Variants in SMC3 observed in about 807,000 individuals in gnomAD.
SMC3 encodes the protein structural maintenance of chromosomes protein 3.
SMC3 carries 20 observed loss-of-function variants against 171.8 expected under a neutral mutation model. The ratio of observed to expected loss-of-function variants is 0.12; its 90% CI spans 0.08 to 0.17. The LOEUF (loss-of-function observed/expected upper bound fraction) is 0.17, where lower values mean the gene tolerates loss of function less well. Ranked by LOEUF, SMC3 falls within the 10% of genes least tolerant of loss-of-function variation. SMC3 has a pLI of 1.00. For synonymous variants in SMC3, 464 were observed against 451.1 expected (o/e 1.03, Z -0.36); for missense variants, 543 against 1,420.4 (o/e 0.38, Z 9.93).
intron 3 of SMC3, among the ~76,000 whole-genome samples, chr10:110,574,639 A>T (rs1464694127): frequency 6.6e-6 from 1 of 152,200 alleles, no homozygotes; most frequent in African/African-American, 2.4e-5. Flanking sequence ...TGTCCACAGC[A>T]CACACATTAA....
At chr10:110,572,300 T>G (rs1362101736) in intron 2 of SMC3, among the ~76,000 whole-genome samples, 2 of 152,222 alleles carry the variant, frequency 1.3e-5, no homozygotes, top group African/African-American at 4.8e-5. Context: ...TAAGTAAATT[T>G]AATACATAGT....
At chr10:110,584,548 A>G (rs998396390) in intron 13 of SMC3, 152 bp downstream of exon 13, 2 of 617,886 alleles carry the variant, frequency 3.2e-6, no homozygotes, top group Admixed American at 3.0e-5. Flanking sequence ...GCACAGTTTA[A>G]TATACATATA....
intron 8 of SMC3, among the ~76,000 whole-genome samples, chr10:110,581,551 A>G (rs1159278583): frequency 6.6e-6 from 1 of 152,120 alleles, no homozygotes; most frequent in African/African-American, 2.4e-5. Flanking sequence ...GCTTAAACTG[A>G]GGCCCTTACT....
intron 4 of SMC3, among the ~76,000 whole-genome samples, chr10:110,576,137 C>G (rs1860945203): frequency 6.6e-6 from 1 of 152,130 alleles, no homozygotes; most frequent in Non-Finnish European, 1.5e-5. Flanking sequence ...GCAAAATGAT[C>G]TAACACAAAA....
In SMC3 at chr10:110,590,544, A is replaced by C. The variant is rs1861190642; in HGVS notation, c.1642A>C (p.Thr548Pro). ...NNFECEPAFY[T>P]CVEVTAGNRL... Reference sequence around the variant, plus strand: ...CTTTGAATGTGAACCAGCTTTCTACACATGCGTGGAAGTCACTGCTGGAAA... The same window carrying C: ...CTTTGAATGTGAACCAGCTTTCTACCCATGCGTGGAAGTCACTGCTGGAAA... Residue 548 changes from threonine (T) to proline (P), a missense_variant, in exon 16 of 29, where the codon ACA becomes CCA. This residue lies in a region of SMC3 where 218 missense variants were observed against 509.6 expected (regional missense o/e 0.43). Transcript: ENST00000361804. 1 of 1,614,018 alleles carries C rather than the reference A, an allele frequency of 6.2e-7. No individual in the cohort carries two copies. The highest frequency in any genetic ancestry group is 1.3e-5 in the African/African-American group (1 of 74,948).
Position 110,598,159 on chromosome 10 carries a change from C to A in SMC3, c.2137C>A (p.Gln713Lys). The change falls in exon 20 of 29, where the codon CAG becomes AAG. Residue 713 changes from glutamine (Q) to lysine (K), a missense_variant. Around this residue, in one of 8 missense-constraint regions of SMC3, gnomAD observed 218 missense variants for 509.6 expected, o/e 0.43. Coordinates refer to ENST00000361804, the MANE Select transcript of SMC3 (RefSeq NM_005445.4). The stretch of plus-strand genomic sequence containing the variant: ...TATATGGATTAATAATGAAATTGAT[C>A]AGTTGATGAACCAAATGCAACAGAT... ...NIERINNEID[Q>K]LMNQMQQIET... 2 of 1,613,658 alleles carry A rather than the reference C, an allele frequency of 1.2e-6. No individual in the cohort carries two copies. Among genetic ancestry groups the A allele is most frequent in the South Asian group, 2.2e-5 (2 of 91,052 alleles).
intron 12 of SMC3, 110 bp from the exon 13 acceptor site, chr10:110,584,073 T>G (rs1305274200): frequency 2.0e-6 from 3 of 1,529,200 alleles, no homozygotes; most frequent in Non-Finnish European, 2.7e-6. Flanking sequence ...ATTCTTTTTG[T>G]ATCTTTTTGA....
chr10:110,576,897 C>T (rs775450912), intron 4 of SMC3, among the ~76,000 whole-genome samples: 3 of 152,034 alleles, frequency 2.0e-5, no homozygotes, highest in South Asian at 2.1e-4. Context: ...AGATTTAAAA[C>T]TGTAGAATGT....
chr10:110,572,771 C>T (rs2134712723), intron 2 of SMC3, among the ~76,000 whole-genome samples: 1 of 152,126 alleles, frequency 6.6e-6, no homozygotes, highest in East Asian at 1.9e-4. Flanking sequence ...AATGATTTTT[C>T]ATTTCCAGCA....
chr10:110,569,214 A>G (rs1411637038), intron 2 of SMC3, among the ~76,000 whole-genome samples: 2 of 150,654 alleles, frequency 1.3e-5, no homozygotes. Flanking sequence ...TAAGACACTC[A>G]TAAGTTATCC....
Position 110,602,961 on chromosome 10 carries a change from T to C in SMC3, c.3434T>C (p.Ile1145Thr). 1 of 1,614,208 alleles carries C rather than the reference T, an allele frequency of 6.2e-7. No homozygotes were observed. Among genetic ancestry groups the C allele is most frequent in the Non-Finnish European group, 8.5e-7 (1 of 1,180,026 alleles). ...DPAPFYLFDE[I>T]DQALDAQHRK... ...GCTCCATTTTACTTGTTTGATGAAA[T>C]TGACCAGGCTCTGGATGCTCAGCAC... is the stretch of plus-strand genomic sequence containing the variant. The change falls in exon 27 of 29, where the codon ATT (isoleucine) becomes ACT (threonine). Residue 1145 changes from isoleucine (I) to threonine (T), a missense_variant. Around this residue, in one of 8 missense-constraint regions of SMC3, gnomAD observed 31 missense variants for 150.9 expected, o/e 0.21. Coordinates refer to ENST00000361804, the MANE Select transcript of SMC3 (RefSeq NM_005445.4).
In SMC3 at chr10:110,593,293, T is replaced by G. The variant is rs550984463; in HGVS notation, c.1963+70T>G. 7.2e-5 allele frequency: 107 copies of G among 1,490,304 alleles called. No individual in the cohort carries two copies. The African/African-American group carries it at 1.3e-3, about 18-fold the overall frequency. The allele number at this position is 1,490,304 out of a possible 1,614,324, so 92.3% of individuals were successfully genotyped here. ...AATCATTTAAAACATATAATCTGGCTGGGCGCAGTGGCTCATGCCTGTAAT... is the reference window on the plus strand; with the variant it reads ...AATCATTTAAAACATATAATCTGGCGGGGCGCAGTGGCTCATGCCTGTAAT... On this transcript the variant is annotated intron_variant, in intron 18 of 28. Transcript: ENST00000361804.
At chr10:110,582,202 T>C in intron 9 of SMC3, 104 bp downstream of exon 9, 1 of 1,084,408 alleles carries the variant, frequency 9.2e-7, no homozygotes, top group Non-Finnish European at 1.4e-6. Flanking sequence ...AAATAGAAAC[T>C]TAAAAAAAAC....
At position 110,593,924 on chromosome 10, in the gene SMC3, G is replaced by T. The variant is rs750836833; in HGVS notation, c.1963+701G>T. Among the ~76,000 whole-genome samples, 275 of 152,140 alleles carry T rather than the reference G, an allele frequency of 1.8e-3. 3 individuals are homozygous for T. Among genetic ancestry groups the T allele is most frequent in the Non-Finnish European group, 1.1e-3 (75 of 68,004 alleles). ...AATGGCTTAAACCTGGGAGGCAGAGGGTGCAGTGAGCCAAGATCACACCCC... is the reference window on the plus strand; with the variant it reads ...AATGGCTTAAACCTGGGAGGCAGAGTGTGCAGTGAGCCAAGATCACACCCC... On this transcript the variant is annotated intron_variant, in intron 18 of 28. Transcript: ENST00000361804.
intron 18 of SMC3, among the ~76,000 whole-genome samples, chr10:110,594,320 T>TA (rs1861260519): frequency 6.6e-6 from 1 of 151,792 alleles, no homozygotes; most frequent in African/African-American, 2.4e-5. Flanking sequence ...GTTATTATTT[T>TA]AAAAAATATT....
chr10:110,574,957 G>T (rs1407159728), intron 3 of SMC3, among the ~76,000 whole-genome samples: 1 of 152,024 alleles, frequency 6.6e-6, no homozygotes, highest in Non-Finnish European at 1.5e-5. Context: ...TTGTTAAAAA[G>T]GATTTTAACT....
At chr10:110,582,220 T>G (rs2134725098) in intron 9 of SMC3, 122 bp downstream of exon 9, 1 of 919,254 alleles carries the variant, frequency 1.1e-6, no homozygotes, top group South Asian at 1.5e-5. Context: ...AACCTCTCAA[T>G]GAATTTATTA....
chr10:110,601,614 A>C, intron 23 of SMC3, 23 bp from the exon 24 acceptor site: 1 of 1,607,374 alleles, frequency 6.2e-7, no homozygotes, highest in Non-Finnish European at 8.5e-7. Context: ...ATTATAGCCT[A>C]ATTTTGTTTC....
intron 4 of SMC3, among the ~76,000 whole-genome samples, chr10:110,576,094 A>AT (rs1564788535): frequency 6.6e-6 from 1 of 152,218 alleles, no homozygotes; most frequent in African/African-American, 2.4e-5. Flanking sequence ...TGAAAATACC[A>AT]TAAGTCAAAA....
Sources: gnomAD v4.1 joint callset for allele counts (sites outside exome capture counted in the v4.1 genomes callset) on GRCh38, gnomAD v4.1.1 for gene constraint, gnomAD v4.1.1 regional missense constraint, MANE v1.5 for transcripts, NCBI Gene and HGNC (gene_info 2026-07-23, HGNC 2026-07-21) for gene names.